The following GIPC2 variants were observed in gnomAD, a reference collection of about 807,000 sequenced individuals.
GIPC2 encodes the protein PDZ domain-containing protein GIPC2.
A neutral mutation model predicts 30.6 loss-of-function variants in GIPC2; 30 were observed. That is an observed-to-expected ratio of 0.98 (90% CI 0.73 to 1.33). The LOEUF (loss-of-function observed/expected upper bound fraction) is 1.33, where lower values mean the gene tolerates loss of function less well. Ranked by LOEUF, GIPC2 falls within the 40% of genes most tolerant of loss-of-function variation. The probability of loss-of-function intolerance (pLI) is 0.00; values close to 1 mark genes in which losing one functional copy is unlikely to be tolerated. For missense variants in GIPC2, 414 were observed against 390.3 expected (o/e 1.06, Z -0.51); for synonymous variants, 167 against 150.0 (o/e 1.11, Z -0.83).
At chr1:78,111,237 T>C (rs1487391115) in intron 3 of GIPC2, among the ~76,000 whole-genome samples, 2 of 152,164 alleles carry the variant, frequency 1.3e-5, no homozygotes, top group African/African-American at 4.8e-5. Flanking sequence ...GATAAAACTG[T>C]AATAGGGGAT....
At chr1:78,106,184 G>A (rs1296528904) in intron 3 of GIPC2, among the ~76,000 whole-genome samples, 7 of 149,090 alleles carry the variant, frequency 4.7e-5, no homozygotes, top group African/African-American at 1.7e-4. Flanking sequence ...GCAATGAGCT[G>A]AGATCGCGCC....
At chr1:78,061,121 A>G (rs538037741) in intron 1 of GIPC2, among the ~76,000 whole-genome samples, 5 of 152,146 alleles carry the variant, frequency 3.3e-5, no homozygotes, top group Admixed American at 6.5e-5. Flanking sequence ...AATTTCTAAG[A>G]AGTCTACCTG....
At chr1:78,126,020 C>T (rs1212787374) in intron 5 of GIPC2, 58 bp downstream of exon 5, 2 of 765,078 alleles carry the variant, frequency 2.6e-6, no homozygotes, top group Non-Finnish European at 4.6e-6. Flanking sequence ...ATGTTTATGT[C>T]TTGTTTATAC....
At chr1:78,088,756 A>AT (rs1661981547) in intron 2 of GIPC2, among the ~76,000 whole-genome samples, 2 of 151,778 alleles carry the variant, frequency 1.3e-5, no homozygotes, top group South Asian at 4.2e-4. Context: ...AGGTGGGAGA[A>AT]TTGCTTGAGC....
intron 3 of GIPC2, among the ~76,000 whole-genome samples, chr1:78,112,169 C>A (rs534939292): frequency 2.4e-4 from 37 of 152,328 alleles, no homozygotes; most frequent in African/African-American, 8.9e-4. Context: ...AATATTAGAA[C>A]AACTTTCATT....
intron 2 of GIPC2, among the ~76,000 whole-genome samples, chr1:78,090,250 A>AGTG (rs1662013355): frequency 6.6e-6 from 1 of 152,200 alleles, no homozygotes; most frequent in Non-Finnish European, 1.5e-5. Context: ...GCTGTAGTGC[A>AGTG]GTGGTGTGGT....
intron 4 of GIPC2, 90 bp from the exon 5 acceptor site, chr1:78,125,791 C>G (rs1018774229): frequency 1.3e-5 from 9 of 697,560 alleles, no homozygotes; most frequent in Non-Finnish European, 2.3e-5. Flanking sequence ...CAATTATGAA[C>G]CGGCTCCACA....
intron 1 of GIPC2, chr1:78,068,968 G>A: frequency 2.0e-6 from 1 of 498,862 alleles, no homozygotes; most frequent in Non-Finnish European, 2.6e-6. Flanking sequence ...TCCTGCCCCT[G>A]CTTGGTCTTC....
chr1:78,068,789 G>A (rs889687938), intron 1 of GIPC2, among the ~76,000 whole-genome samples: 9 of 152,162 alleles, frequency 5.9e-5, no homozygotes, highest in African/African-American at 2.2e-4. Flanking sequence ...TGGAAGGCTA[G>A]GGAGAGGGAG....
At position 78,046,181 on chromosome 1, in the gene GIPC2, C is replaced by A; in HGVS notation, c.87C>A (p.Gly29=). 7.6e-6 allele frequency: 12 copies of A among 1,571,484 alleles called. No individual in the cohort carries two copies. Among genetic ancestry groups the A allele is most frequent in the African/African-American group, 1.4e-5 (1 of 72,644 alleles). The change falls in exon 1 of 6, where the codon GGC becomes GGA. Residue 29 remains glycine (G), a synonymous_variant. Coordinates refer to ENST00000370759, the MANE Select transcript of GIPC2 (RefSeq NM_017655.6). ...AGGGCGAGCCGACGGGCGCGGGCGG[C>A]GGGAGCCTCTCAGCGTCCCGGGCTC... ...LVEGEPTGAG[G]GSLSASRAPA...
At chr1:78,088,254 A>T (rs1171904675) in intron 2 of GIPC2, among the ~76,000 whole-genome samples, 1 of 152,228 alleles carries the variant, frequency 6.6e-6, no homozygotes, top group South Asian at 2.1e-4. Context: ...CTGGGTGTAT[A>T]CCCAGAGGAT....
At chr1:78,053,745 T>TAAAAAAAAAA (rs11384461) in intron 1 of GIPC2, among the ~76,000 whole-genome samples, 2 of 88,680 alleles carry the variant, frequency 2.3e-5, no homozygotes, top group African/African-American at 4.7e-5. Flanking sequence ...CCCTGCCTCT[T>TAAAAAAAAAA]AAAAAAAAAA....
At chr1:78,110,042 T>TGGGGGAG (rs1238558611) in intron 3 of GIPC2, among the ~76,000 whole-genome samples, 2 of 133,906 alleles carry the variant, frequency 1.5e-5, no homozygotes, top group African/African-American at 2.8e-5. Flanking sequence ...TGTTGTGGGG[T>TGGGGGAG]GGGGGAAGGG....
intron 1 of GIPC2, 35 bp downstream of exon 1, chr1:78,046,369 CCGCCGCGCCGCGCCG>C (rs370883891): frequency 9.6e-6 from 15 of 1,557,802 alleles, no homozygotes; most frequent in African/African-American, 9.5e-5. Context: ...TCCCGCCTCT[CCGCCGCGCCGCGCCG>C]CGCCGCGCGT....
At chr1:78,098,118 T>C (rs1662172992) in intron 3 of GIPC2, among the ~76,000 whole-genome samples, 2 of 152,228 alleles carry the variant, frequency 1.3e-5, no homozygotes, top group African/African-American at 4.8e-5. Flanking sequence ...ACTGTAGCCA[T>C]GTATGATATC....
intron 1 of GIPC2, among the ~76,000 whole-genome samples, chr1:78,052,271 A>G (rs1463493803): frequency 6.6e-6 from 1 of 152,206 alleles, no homozygotes; most frequent in Non-Finnish European, 1.5e-5. Flanking sequence ...TCCGTAGCAT[A>G]CTATCCTATG....
intron 1 of GIPC2, among the ~76,000 whole-genome samples, chr1:78,074,654 A>G (rs1359045604): frequency 6.6e-6 from 1 of 152,216 alleles, no homozygotes; most frequent in Non-Finnish European, 1.5e-5. Flanking sequence ...CTAGATCCAG[A>G]ACTCTTAACT....
intron 2 of GIPC2, among the ~76,000 whole-genome samples, chr1:78,081,200 AT>A (rs11348326): frequency 0.85 from 129,462 of 152,030 alleles, 55,282 homozygotes; most frequent in East Asian, 0.91. Flanking sequence ...AATTAGTGTT[AT>A]TTTCCAACTG....
chr1:78,044,984 C>A, upstream of GIPC2: 1 of 478,420 alleles, frequency 2.1e-6, no homozygotes, highest in Non-Finnish European at 2.7e-6. Context: ...GTGAATGCAA[C>A]TCCTGGAGAC....
Sources: allele counts gnomAD v4.1 joint callset (sites outside exome capture counted in the v4.1 genomes callset), GRCh38; gene constraint gnomAD v4.1.1; transcripts MANE v1.5; gene names NCBI Gene and HGNC (gene_info 2026-07-23, HGNC 2026-07-21).